The following RYR2 variants were observed in gnomAD, a reference collection of about 807,000 sequenced individuals.
RYR2 encodes ryanodine receptor 2, also known as cardiac muscle ryanodine receptor-calcium release channel.
In RYR2, 227 loss-of-function variants were observed where a neutral mutation model predicts 601.1. The ratio of observed to expected loss-of-function variants is 0.38; its 90% confidence interval spans 0.34 to 0.42. The LOEUF is 0.42. RYR2 is among the 10% of genes least tolerant of loss of function. The pLI, the probability that RYR2 is intolerant of heterozygous loss-of-function variation, is 1.00. For synonymous variants in RYR2, 2,223 were observed against 2,175.1 expected (o/e 1.02, Z -0.61); for missense variants, 4,646 against 6,156.5 (o/e 0.75, Z 8.21).
chr1:237,582,923 G>GATAC (rs1674087502), intron 29 of RYR2, among the ~76,000 whole-genome samples: 1 of 133,132 alleles, frequency 7.5e-6, no homozygotes, highest in Non-Finnish European at 1.6e-5. Context: ...TTTTCTTTTG[G>GATAC]ATATATATAT....
At chr1:237,690,476 T>C (rs1686839931) in intron 63 of RYR2, among the ~76,000 whole-genome samples, 1 of 152,246 alleles carries the variant, frequency 6.6e-6, no homozygotes, top group African/African-American at 2.4e-5. Flanking sequence ...TCTAGTCTTA[T>C]TAAAATTATT....
intron 16 of RYR2, among the ~76,000 whole-genome samples, chr1:237,465,506 C>G (rs969205769): frequency 1.3e-5 from 2 of 152,136 alleles, no homozygotes; most frequent in African/African-American, 2.4e-5. Context: ...TCATGTGTCA[C>G]TTACTCATGG....
rs138441308 is a variant in RYR2, at chr1:237,332,048, T to C, written c.273+1066T>C. Among the ~76,000 whole-genome samples the C allele has an allele frequency of 4.4e-4, 67 of 152,282 alleles. 1 individual carries two copies. In the East Asian group the frequency reaches 0.011, roughly 24 times the overall value. ...CTGCAGTGTATGGTTTAATAAAGTG[T>C]AGTATTTCCAGAGAGAAAACTGAAA... On this transcript the variant is annotated intron_variant, in intron 3 of 104. Transcript: ENST00000366574.
intron 4 of RYR2, among the ~76,000 whole-genome samples, chr1:237,360,075 C>A (rs6429006): frequency 0.38 from 57,291 of 152,052 alleles, 11,294 homozygotes; most frequent in African/African-American, 0.47. Flanking sequence ...AATGTTTCTA[C>A]CTGGAGAGTT....
chr1:237,744,800 A>ATTTT (rs111625810), intron 80 of RYR2, among the ~76,000 whole-genome samples: 2 of 136,348 alleles, frequency 1.5e-5, no homozygotes, highest in Non-Finnish European at 3.2e-5. Flanking sequence ...TTCCTTTGTA[A>ATTTT]TTTTTTTTTT....
chr1:237,406,157 T>C (rs61832525), intron 10 of RYR2, among the ~76,000 whole-genome samples: 12,228 of 30,234 alleles, frequency 0.4, 2,300 homozygotes, highest in African/African-American at 0.53. Context: ...CCCCTCCCCT[T>C]CCCTTCCCTT....
At chr1:237,470,878 TA>T (rs1238542818) in intron 17 of RYR2, among the ~76,000 whole-genome samples, 7 of 146,756 alleles carry the variant, frequency 4.8e-5, no homozygotes, top group South Asian at 2.2e-4. Flanking sequence ...GAGGAAGAGA[TA>T]GGGGCAGAGA....
intron 12 of RYR2, among the ~76,000 whole-genome samples, chr1:237,441,027 A>G (rs1707851312): frequency 6.6e-6 from 1 of 152,124 alleles, no homozygotes; most frequent in South Asian, 2.1e-4. Context: ...AAAACCCAGG[A>G]AGTATGTTTA....
intron 80 of RYR2, chr1:237,743,706 TG>T: frequency 2.1e-6 from 1 of 469,414 alleles, no homozygotes; most frequent in Non-Finnish European, 4.3e-6. Context: ...CCCAACATCT[TG>T]GATTCTTTTG....
At chr1:237,402,284 T>C (rs930302031) in intron 10 of RYR2, among the ~76,000 whole-genome samples, 5 of 150,518 alleles carry the variant, frequency 3.3e-5, no homozygotes, top group African/African-American at 1.2e-4. Flanking sequence ...GAGCTGAGTA[T>C]AGCAAGTATG....
chr1:237,351,289 A>C (rs1698819844), intron 3 of RYR2, among the ~76,000 whole-genome samples: 1 of 152,124 alleles, frequency 6.6e-6, no homozygotes, highest in Non-Finnish European at 1.5e-5. Context: ...TAAATATCTC[A>C]AGAAGACAAA....
At chr1:237,821,943 C>A (rs549159604) in intron 101 of RYR2, among the ~76,000 whole-genome samples, 1 of 151,206 alleles carries the variant, frequency 6.6e-6, no homozygotes, top group Admixed American at 6.6e-5. Context: ...AAGGTGACCT[C>A]AATGAAATAA....
chr1:237,529,537 T>C (rs1558974821), intron 24 of RYR2, among the ~76,000 whole-genome samples: 2 of 152,086 alleles, frequency 1.3e-5, no homozygotes, highest in Admixed American at 6.6e-5. Context: ...CCACACATTA[T>C]TAAAATATTA....
chr1:237,145,222 TA>T (rs544342353), intron 1 of RYR2, among the ~76,000 whole-genome samples: 129 of 139,100 alleles, frequency 9.3e-4, no homozygotes, highest in African/African-American at 1.9e-3. Context: ...AGTATAATAA[TA>T]AAAAAAAAAA....
chr1:237,205,252 C>T lies in RYR2; in HGVS notation c.49-65245C>T, dbSNP rs149694908. Among the ~76,000 whole-genome samples the T allele has an allele frequency of 2.8e-3, 425 of 152,308 alleles. 19 individuals carry two copies. In the East Asian group the frequency reaches 0.073, roughly 26 times the overall value. On this transcript the variant is annotated intron_variant, in intron 1 of 104. Transcript: ENST00000366574. Reference sequence around the variant, plus strand: ...CCTTGTTTGTGACAGGGTTGGAATACACCACAGGGTTCCGAGTGCTGAGTT... The same window carrying T: ...CCTTGTTTGTGACAGGGTTGGAATATACCACAGGGTTCCGAGTGCTGAGTT...
intron 60 of RYR2, 91 bp downstream of exon 60, chr1:237,674,937 C>T: frequency 1.5e-6 from 1 of 679,430 alleles, no homozygotes; most frequent in Non-Finnish European, 2.5e-6. Flanking sequence ...GGCTGCTGAG[C>T]TATTTGTGAT....
At chr1:237,117,514 C>T (rs943038634) in intron 1 of RYR2, among the ~76,000 whole-genome samples, 1 of 152,088 alleles carries the variant, frequency 6.6e-6, no homozygotes, top group Non-Finnish European at 1.5e-5. Context: ...TGAAATGAGG[C>T]TTCATGCCCT....
chr1:237,410,869 TC>T (rs1349996823), intron 10 of RYR2, among the ~76,000 whole-genome samples: 1 of 152,186 alleles, frequency 6.6e-6, no homozygotes, highest in Non-Finnish European at 1.5e-5. Flanking sequence ...AAAGAAGTAT[TC>T]TTTTAATCTA....
chr1:237,828,296 C>A lies in RYR2; in HGVS notation c.14591-85C>A, dbSNP rs1663390032. The A allele has an allele frequency of 3.3e-6, 3 of 905,264 alleles. No individual in the cohort carries two copies. The Admixed American group carries it at 6.5e-5, about 20-fold the overall frequency. 56.1% of individuals were successfully genotyped at this position (905,264 alleles called of 1,614,324 possible). A position where few individuals can be genotyped will look rare whatever the true frequency, so the allele number is the denominator to read the frequency against. On this transcript the variant is annotated intron_variant, in intron 101 of 104. Coordinates refer to ENST00000366574, the MANE Select transcript of RYR2 (RefSeq NM_001035.3). Reference sequence around the variant, plus strand: ...AGCATTTTGCAAGGTAGTTGTACATCTCCCCTTTCCCTGGGGGGATTAGCC... The same window carrying A: ...AGCATTTTGCAAGGTAGTTGTACATATCCCCTTTCCCTGGGGGGATTAGCC...
Sources: gnomAD v4.1 joint callset for allele counts (sites outside exome capture counted in the v4.1 genomes callset) on GRCh38, gnomAD v4.1.1 for gene constraint, MANE v1.5 for transcripts, NCBI Gene and HGNC (gene_info 2026-07-23, HGNC 2026-07-21) for gene names.